The following INPP5A variants were observed in gnomAD, a reference collection of about 807,000 sequenced individuals.
INPP5A encodes the protein inositol polyphosphate-5-phosphatase A.
INPP5A carries 14 observed loss-of-function variants against 65.2 expected under a neutral mutation model. That is an observed-to-expected ratio of 0.21 (90% CI 0.14 to 0.34). The LOEUF (loss-of-function observed/expected upper bound fraction) is 0.34, where lower values mean the gene tolerates loss of function less well. INPP5A is among the 10% of genes least tolerant of loss of function. INPP5A has a pLI of 1.00. For missense variants in INPP5A, 431 were observed against 545.6 expected (o/e 0.79, Z 2.09); for synonymous variants, 207 against 208.3 (o/e 0.99, Z 0.05).
chr10:132,595,158 G>A (rs2071669051), intron 1 of INPP5A, among the ~76,000 whole-genome samples: 1 of 152,180 alleles, frequency 6.6e-6, no homozygotes, highest in Admixed American at 6.5e-5. Context: ...CCTGTGACGT[G>A]CTGGCACCCT....
intron 4 of INPP5A, among the ~76,000 whole-genome samples, chr10:132,655,036 G>C (rs1355129341): frequency 6.6e-6 from 1 of 152,258 alleles, no homozygotes; most frequent in Non-Finnish European, 1.5e-5. Flanking sequence ...GCTGAGTCTG[G>C]GATGGACATG....
At chr10:132,717,140 TCTCACTGCGTC>T (rs991154536) in intron 8 of INPP5A, among the ~76,000 whole-genome samples, 1 of 151,748 alleles carries the variant, frequency 6.6e-6, no homozygotes, top group African/African-American at 2.4e-5. Context: ...ACGGCCGCCT[TCTCACTGCGTC>T]CTCACGTGGT....
chr10:132,684,746 G>A (rs1029349987), intron 4 of INPP5A, among the ~76,000 whole-genome samples: 1 of 152,244 alleles, frequency 6.6e-6, no homozygotes, highest in Non-Finnish European at 1.5e-5. Flanking sequence ...TGGCCTCTCC[G>A]TGATGTCCTT....
At chr10:132,766,855 G>A (rs1278746259) in intron 12 of INPP5A, among the ~76,000 whole-genome samples, 1 of 151,930 alleles carries the variant, frequency 6.6e-6, no homozygotes, top group Non-Finnish European at 1.5e-5. Flanking sequence ...AGCTGGAGGT[G>A]CGGCCTCAGG....
intron 12 of INPP5A, among the ~76,000 whole-genome samples, chr10:132,771,098 C>G (rs1846939855): frequency 6.6e-6 from 1 of 152,240 alleles, no homozygotes. Context: ...CACAGTCTGT[C>G]TGTCAATCTT....
chr10:132,641,531 C>T (rs988651885), intron 2 of INPP5A, among the ~76,000 whole-genome samples: 6 of 152,330 alleles, frequency 3.9e-5, no homozygotes, highest in African/African-American at 1.2e-4. Context: ...GAGACGACCC[C>T]GTGCCAGAGG....
chr10:132,556,600 T>C (rs1370768342), intron 1 of INPP5A, among the ~76,000 whole-genome samples: 2 of 152,150 alleles, frequency 1.3e-5, no homozygotes, highest in Non-Finnish European at 2.9e-5. Flanking sequence ...CACATGTGCA[T>C]CACACACATG....
Position 132,704,369 on chromosome 10 carries a change from T to G in INPP5A, c.475-3944T>G, listed in dbSNP as rs1370388747. 6.6e-6 allele frequency among the ~76,000 whole-genome samples: 1 copy of G among 152,250 alleles called. No homozygotes were observed. The highest frequency in any genetic ancestry group is 1.5e-5 in the Non-Finnish European group (1 of 68,044). Reference sequence around the variant, plus strand: ...AGAACCCAGCCTTGGGCCCAGTGACTGTGGCCTAAAGCCACCAAGGGACCA... The same window carrying G: ...AGAACCCAGCCTTGGGCCCAGTGACGGTGGCCTAAAGCCACCAAGGGACCA... On this transcript the variant is annotated intron_variant, in intron 6 of 15. Coordinates refer to ENST00000368594, the MANE Select transcript of INPP5A (RefSeq NM_005539.5). This position sits in a 1 kb window ranked among gnomAD's most constrained non-coding sequence, Gnocchi z 4.5.
At chr10:132,703,957 A>G (rs1845489170) in intron 6 of INPP5A, among the ~76,000 whole-genome samples, 1 of 86,760 alleles carries the variant, frequency 1.2e-5, no homozygotes, top group Non-Finnish European at 2.2e-5. Flanking sequence ...GCGGCTTCAC[A>G]CACACATGCC....
intron 8 of INPP5A, among the ~76,000 whole-genome samples, chr10:132,722,809 T>C (rs1163748637): frequency 2.0e-5 from 3 of 152,244 alleles, no homozygotes; most frequent in African/African-American, 4.8e-5. Context: ...TGGCTCTTCT[T>C]GTAATTCTCT....
At position 132,674,386 on chromosome 10, in the gene INPP5A, G is replaced by T. The variant is rs938044374; in HGVS notation, c.307-16006G>T. 1.3e-5 allele frequency among the ~76,000 whole-genome samples: 2 copies of T among 152,140 alleles called. No individual in the cohort carries two copies. Among genetic ancestry groups the T allele is most frequent in the African/African-American group, 2.4e-5 (1 of 41,424 alleles). ...CCCACTGGGAAGATTTCCCTTCACC[G>T]CTGTCCTTCAGGAATGTCCTAGAAA... On this transcript the variant is annotated intron_variant, in intron 4 of 15. Transcript: ENST00000368594. This position sits in a 1 kb window ranked among gnomAD's most constrained non-coding sequence, Gnocchi z 4.4.
intron 7 of INPP5A, among the ~76,000 whole-genome samples, chr10:132,709,554 A>G (rs1469124202): frequency 2.0e-5 from 3 of 152,060 alleles, no homozygotes; most frequent in Non-Finnish European, 4.4e-5. Flanking sequence ...GTGGGGGCAC[A>G]TGGGGCACGT....
At chr10:132,558,264 G>A (rs1339800393) in intron 1 of INPP5A, among the ~76,000 whole-genome samples, 1 of 152,168 alleles carries the variant, frequency 6.6e-6, no homozygotes, top group Non-Finnish European at 1.5e-5. Flanking sequence ...AAGCTGCTCC[G>A]GGTGTCCCCG....
Position 132,697,839 on chromosome 10 carries a change from G to A in INPP5A, c.394G>A (p.Gly132Ser). ...AGCTAAGAAGTATAGAAAGGTCGCT[G>A]GCAAAGAGATCTACTCGGATACCTT... ...FKAKKYRKVAGKEIYSDTLES... is the reference protein window; with the variant it reads ...FKAKKYRKVASKEIYSDTLES... Residue 132 changes from glycine (G) to serine (S), a missense_variant, in exon 6 of 16, where the codon GGC (glycine) becomes AGC (serine). Transcript: ENST00000368594. This position sits in a 1 kb window ranked among gnomAD's most constrained non-coding sequence, Gnocchi z 5.6. 1.2e-6 allele frequency: 2 copies of A among 1,613,008 alleles called. No individual in the cohort carries two copies. The highest frequency in any genetic ancestry group is 1.7e-6 in the Non-Finnish European group (2 of 1,179,360).
chr10:132,759,645 G>A (rs545928097), intron 11 of INPP5A, among the ~76,000 whole-genome samples: 1 of 152,250 alleles, frequency 6.6e-6, no homozygotes, highest in African/African-American at 2.4e-5. Context: ...CGGGAAGGGA[G>A]GTGGTGGGGG....
chr10:132,686,364 C>T (rs2073113640), intron 4 of INPP5A, among the ~76,000 whole-genome samples: 1 of 152,230 alleles, frequency 6.6e-6, no homozygotes. Context: ...TTTATCAATA[C>T]GTAAAAAGTA....
chr10:132,587,436 G>A lies in INPP5A; in HGVS notation c.76-20479G>A, dbSNP rs963088468. Reference sequence around the variant, plus strand: ...GCTGGCAGGGATCCTGGCATGGCCTGTGTGATTCGAGGTCAGAAATCATGA... The same window carrying A: ...GCTGGCAGGGATCCTGGCATGGCCTATGTGATTCGAGGTCAGAAATCATGA... On this transcript the variant is annotated intron_variant, in intron 1 of 15. Coordinates refer to ENST00000368594, the MANE Select transcript of INPP5A (RefSeq NM_005539.5). This position sits in a 1 kb window ranked among gnomAD's most constrained non-coding sequence, Gnocchi z 4.3. Among the ~76,000 whole-genome samples, 1 of 152,204 alleles carries A rather than the reference G, an allele frequency of 6.6e-6. No individual in the cohort carries two copies. Among genetic ancestry groups the A allele is most frequent in the Non-Finnish European group, 1.5e-5 (1 of 68,036 alleles).
chr10:132,655,089 G>A (rs553666236), intron 4 of INPP5A, among the ~76,000 whole-genome samples: 1 of 152,378 alleles, frequency 6.6e-6, no homozygotes, highest in Non-Finnish European at 1.5e-5. Context: ...CAGGGCAGAA[G>A]GCCCCAGGAG....
intron 11 of INPP5A, among the ~76,000 whole-genome samples, chr10:132,752,379 G>C (rs192996629): frequency 1.1e-4 from 16 of 151,416 alleles, no homozygotes; most frequent in Non-Finnish European, 2.1e-4. Context: ...GTGGTGGCAG[G>C]GGACAGTTCC....
Sources: allele counts gnomAD v4.1 joint callset (sites outside exome capture counted in the v4.1 genomes callset), GRCh38; gene constraint gnomAD v4.1.1; non-coding constraint Gnocchi (gnomAD v3.1); transcripts MANE v1.5; gene names NCBI Gene and HGNC (gene_info 2026-07-23, HGNC 2026-07-21).